Variants in PIK3CB observed in about 807,000 individuals in gnomAD.
PIK3CB encodes the protein phosphatidylinositol 4,5-bisphosphate 3-kinase catalytic subunit beta isoform.
Under a neutral mutation model 136.8 loss-of-function variants are expected in PIK3CB, and 39 were observed. The ratio of observed to expected loss-of-function variants is 0.29; its 90% CI spans 0.22 to 0.37. The LOEUF (loss-of-function observed/expected upper bound fraction) is 0.37, where lower values mean the gene tolerates loss of function less well. PIK3CB is among the 10% of genes least tolerant of loss of function. The pLI is 1.00. For synonymous variants in PIK3CB, 428 were observed against 436.6 expected (o/e 0.98, Z 0.25); for missense variants, 868 against 1,275.4 (o/e 0.68, Z 4.87).
chr3:138,693,958 TATATATATTATATA>T (rs1559819665), intron 14 of PIK3CB, among the ~76,000 whole-genome samples: 1 of 34,034 alleles, frequency 2.9e-5, no homozygotes, highest in Non-Finnish European at 4.4e-5. Context: ...TATATATATA[TATATATATTATATA>T]TATATATATA....
chr3:138,748,522 C>T (rs898624430), intron 4 of PIK3CB, among the ~76,000 whole-genome samples: 4 of 152,128 alleles, frequency 2.6e-5, no homozygotes, highest in Non-Finnish European at 1.5e-5. Context: ...TATGGATATA[C>T]TATCAATATA....
At chr3:138,682,988 A>T (rs1017568404) in intron 18 of PIK3CB, among the ~76,000 whole-genome samples, 7 of 152,180 alleles carry the variant, frequency 4.6e-5, no homozygotes, top group African/African-American at 1.7e-4. Flanking sequence ...AGGTACTTTC[A>T]TCAAAATACA....
At chr3:138,828,635 G>A (rs1933891884) in intron 1 of PIK3CB, among the ~76,000 whole-genome samples, 1 of 152,056 alleles carries the variant, frequency 6.6e-6, no homozygotes. Context: ...GAGGTGAAAT[G>A]TGCCTAAAGC....
At chr3:138,762,489 C>A (rs2045676028) in intron 2 of PIK3CB, among the ~76,000 whole-genome samples, 1 of 152,146 alleles carries the variant, frequency 6.6e-6, no homozygotes, top group Non-Finnish European at 1.5e-5. Context: ...CTTCCATAAA[C>A]ACGAACAAAA....
At chr3:138,810,213 G>T (rs1932951212) in intron 1 of PIK3CB, among the ~76,000 whole-genome samples, 1 of 152,176 alleles carries the variant, frequency 6.6e-6, no homozygotes, top group South Asian at 2.1e-4. Flanking sequence ...CAAATAAATG[G>T]GAGGGCAGAA....
chr3:138,788,601 G>A (rs1019374246), intron 2 of PIK3CB, among the ~76,000 whole-genome samples: 5 of 142,534 alleles, frequency 3.5e-5, no homozygotes, highest in African/African-American at 1.3e-4. Context: ...AGGTTGCAGT[G>A]AGCCGAGATC....
rs567504237 is a variant in PIK3CB at position 138,699,056 on chromosome 3, T to C, written c.1621A>G (p.Ile541Val). ...TGAGACAAGGGATCCCTGTCCAAGA[T>C]TTCTTTCAATACAGGAAGAAACTTT... is the stretch of plus-strand genomic sequence containing the variant. The part of the protein sequence containing the change: ...GKKFLPVLKE[I>V]LDRDPLSQLC... Residue 541 changes from isoleucine to valine, a missense_variant, in exon 13 of 24, where the codon ATC (isoleucine) becomes GTC (valine). Around this residue, in one of 4 missense-constraint regions of PIK3CB, gnomAD observed 612 missense variants for 801.1 expected, o/e 0.76. Transcript: ENST00000674063. The C allele has an allele frequency of 1.4e-5, 23 of 1,594,420 alleles. No homozygotes were observed. The highest frequency in any genetic ancestry group is 1.1e-4 in the South Asian group (10 of 88,198).
intron 22 of PIK3CB, chr3:138,657,481 T>A (rs361089): frequency 2.0e-6 from 1 of 502,808 alleles, no homozygotes; most frequent in South Asian, 2.9e-5. Context: ...AATATAATAA[T>A]TATTTTAAAT....
chr3:138,737,969 T>C, intron 5 of PIK3CB, 83 bp from the exon 6 acceptor site: 1 of 799,658 alleles, frequency 1.3e-6, no homozygotes, highest in Non-Finnish European at 1.9e-6. Flanking sequence ...TATGTAATAA[T>C]ATGTACAAAT....
At chr3:138,705,833 G>A in intron 11 of PIK3CB, among the ~76,000 whole-genome samples, 1 of 152,120 alleles carries the variant, frequency 6.6e-6, no homozygotes, top group Non-Finnish European at 1.5e-5. Context: ...GGTCACTGCA[G>A]TCTGAAATTC....
At chr3:138,820,194 T>G (rs185361542) in intron 1 of PIK3CB, among the ~76,000 whole-genome samples, 90 of 152,192 alleles carry the variant, frequency 5.9e-4, no homozygotes, top group African/African-American at 2.0e-3. Context: ...TGCTAATATA[T>G]CCCCCAATAA....
At chr3:138,762,767 G>A (rs1419068039) in intron 2 of PIK3CB, among the ~76,000 whole-genome samples, 1 of 152,044 alleles carries the variant, frequency 6.6e-6, no homozygotes, top group East Asian at 1.9e-4. Context: ...AGACCAGCCT[G>A]GGCAACATGG....
In PIK3CB at chr3:138,669,139, C is replaced by T. The variant is rs77288534; in HGVS notation, c.2505-3936G>A. On this transcript the variant is annotated intron_variant, in intron 19 of 23. Transcript: ENST00000674063. Reference sequence around the variant, plus strand: ...TCTTAAAAGGGAAGTAGGCCAGGTGCGGTGGCTCACGCCTGTAATCCTAGC... The same window carrying T: ...TCTTAAAAGGGAAGTAGGCCAGGTGTGGTGGCTCACGCCTGTAATCCTAGC... Among the ~76,000 whole-genome samples, 426 of 152,150 alleles carry T rather than the reference C, an allele frequency of 2.8e-3. 1 individual carries two copies. Among genetic ancestry groups the T allele is most frequent in the Non-Finnish European group, 4.7e-3 (318 of 68,016 alleles).
Position 138,712,273 on chromosome 3 carries a change from A to G in PIK3CB, c.1334T>C (p.Val445Ala). ...TCTCAATTGTCCTTTAAAGTCAAAA[A>G]CCATCGTATTTACCCACGCTACAGG... ...HYPVAWVNTM[V>A]FDFKGQLRTG... The change falls in exon 10 of 24, where the codon GTT becomes GCT. Residue 445 changes from valine to alanine, a missense_variant. Transcript: ENST00000674063. The G allele has an allele frequency of 1.3e-6, 2 of 1,583,348 alleles. No homozygotes were observed. Among genetic ancestry groups the G allele is most frequent in the Non-Finnish European group, 1.7e-6 (2 of 1,160,470 alleles).
chr3:138,720,761 A>G (rs1397283383), intron 8 of PIK3CB, among the ~76,000 whole-genome samples: 1 of 152,134 alleles, frequency 6.6e-6, no homozygotes, highest in African/African-American at 2.4e-5. Context: ...ACAGCTACTC[A>G]GGAGGCTGAC....
rs1190646925 is a variant in PIK3CB at position 138,743,523 on chromosome 3, C to T, written c.398-742G>A. Among the ~76,000 whole-genome samples the T allele has an allele frequency of 3.9e-5, 6 of 152,134 alleles. No homozygotes were observed. In the South Asian group the frequency reaches 1.2e-3, roughly 31 times the overall value. On this transcript the variant is annotated intron_variant, in intron 4 of 23. Coordinates refer to ENST00000674063, the MANE Select transcript of PIK3CB (RefSeq NM_006219.3). Reference sequence around the variant, plus strand: ...AACAACATGGTGGATGGGGCACCAACCCCCTACAGAGGAGAAAATTCACAT... The same window carrying T: ...AACAACATGGTGGATGGGGCACCAATCCCCTACAGAGGAGAAAATTCACAT...
At chr3:138,810,637 G>A (rs1169267881) in intron 1 of PIK3CB, among the ~76,000 whole-genome samples, 1 of 152,110 alleles carries the variant, frequency 6.6e-6, no homozygotes, top group Non-Finnish European at 1.5e-5. Flanking sequence ...AGAAATGTTG[G>A]GCCGGGCATG....
At chr3:138,663,741 TGTAGTAGACTATATATGAAACGAGAG>T (rs1331816906) in intron 21 of PIK3CB, among the ~76,000 whole-genome samples, 139 bp downstream of exon 21, 2 of 152,180 alleles carry the variant, frequency 1.3e-5, no homozygotes, top group African/African-American at 4.8e-5. Context: ...AATGAATACA[TGTAGTAGACTATATATGAAACGAGAG>T]GTAGTGAGAA....
intron 19 of PIK3CB, among the ~76,000 whole-genome samples, chr3:138,675,014 C>T (rs1403461155): frequency 3.9e-5 from 6 of 152,130 alleles, no homozygotes; most frequent in East Asian, 1.9e-4. Context: ...GCCGAGACCG[C>T]GCCACTGCAC....
Sources: allele counts gnomAD v4.1 joint callset (sites outside exome capture counted in the v4.1 genomes callset), GRCh38; gene constraint gnomAD v4.1.1; regional missense constraint gnomAD v4.1.1; transcripts MANE v1.5; gene names NCBI Gene and HGNC (gene_info 2026-07-23, HGNC 2026-07-21).